The following LRPPRC variants were observed in gnomAD, a reference collection of about 807,000 sequenced individuals.
LRPPRC encodes leucine rich pentatricopeptide repeat containing.
Under a neutral mutation model 180.3 loss-of-function variants are expected in LRPPRC, and 120 were observed. That is an observed-to-expected ratio of 0.67 (90% CI 0.57 to 0.77). The LOEUF (loss-of-function observed/expected upper bound fraction) is 0.77. LRPPRC is among the 30% of genes least tolerant of loss of function. The pLI is 0.00. For missense variants in LRPPRC, 2,012 were observed against 1,657.2 expected (o/e 1.21, Z -3.72); for synonymous variants, 723 against 600.0 (o/e 1.21, Z -3.00).
intron 17 of LRPPRC, 98 bp downstream of exon 17, chr2:43,948,314 T>A: frequency 1.1e-6 from 1 of 916,390 alleles, no homozygotes; most frequent in Non-Finnish European, 1.8e-6. Flanking sequence ...TGCATGTCAT[T>A]GAGAAGTGGT....
intron 11 of LRPPRC, among the ~76,000 whole-genome samples, chr2:43,971,739 T>G (rs1158208116): frequency 6.6e-6 from 1 of 151,994 alleles, no homozygotes; most frequent in Admixed American, 6.6e-5. Flanking sequence ...TTCATTGCAC[T>G]AATAAGAATG....
At chr2:43,959,981 G>C (rs570448501) in intron 13 of LRPPRC, among the ~76,000 whole-genome samples, 1 of 152,054 alleles carries the variant, frequency 6.6e-6, no homozygotes, top group South Asian at 2.1e-4. Context: ...ACTAACCTTG[G>C]GCAAATCATT....
chr2:43,921,642 A>C (rs543955513), intron 27 of LRPPRC, among the ~76,000 whole-genome samples: 1 of 152,308 alleles, frequency 6.6e-6, no homozygotes, highest in East Asian at 1.9e-4. Context: ...TCACAAAGTT[A>C]CGTCTGAGAT....
At chr2:43,966,737 TA>T (rs1049296512) in intron 11 of LRPPRC, among the ~76,000 whole-genome samples, 34 of 140,624 alleles carry the variant, frequency 2.4e-4, no homozygotes, top group African/African-American at 8.2e-4. Context: ...GGTAACTAGC[TA>T]AAAAAAAATA....
intron 15 of LRPPRC, 120 bp downstream of exon 15, chr2:43,950,453 C>T (rs1471505313): frequency 3.5e-6 from 3 of 868,750 alleles, no homozygotes; most frequent in African/African-American, 3.4e-5. Context: ...ATTAACTCTG[C>T]CAGCAAAATT....
chr2:43,995,440 A>G (rs1251054586), intron 1 of LRPPRC, among the ~76,000 whole-genome samples: 1 of 152,196 alleles, frequency 6.6e-6, no homozygotes, highest in Non-Finnish European at 1.5e-5. Context: ...GTGGGACACC[A>G]CCCAAGCTGG....
At chr2:43,923,217 G>A (rs1288841151) in intron 27 of LRPPRC, among the ~76,000 whole-genome samples, 1 of 147,898 alleles carries the variant, frequency 6.8e-6, no homozygotes, top group Non-Finnish European at 1.5e-5. Flanking sequence ...AGTGGCTCAT[G>A]CCTGTAATCC....
At position 43,973,614 on chromosome 2, in the gene LRPPRC, AT is replaced by A. The variant is rs2103710225; in HGVS notation, c.1361del (p.Asn454MetfsTer5). ...PLLVGRRKEK[N>X]VQGIIEILKG... The stretch of plus-strand genomic sequence containing the variant: ...TAAAAGGCAAAATCTAACCTTGAAC[AT>A]TTTTTTCCTTCCGACGTCCAACTAG... On this transcript the variant is annotated frameshift_variant, in exon 11 of 38. Transcript: ENST00000260665. LOFTEE classifies it high-confidence loss of function. The A allele has an allele frequency of 3.1e-6, 5 of 1,611,218 alleles. No homozygotes were observed. The highest frequency in any genetic ancestry group is 4.2e-6 in the Non-Finnish European group (5 of 1,177,412).
At chr2:43,959,643 A>G (rs939899320) in intron 13 of LRPPRC, among the ~76,000 whole-genome samples, 1 of 152,140 alleles carries the variant, frequency 6.6e-6, no homozygotes, top group African/African-American at 2.4e-5. Flanking sequence ...AGTGGCTCAC[A>G]CCTGTAATCC....
chr2:43,976,294 A>G, intron 5 of LRPPRC, 65 bp from the exon 6 acceptor site: 1 of 878,148 alleles, frequency 1.1e-6, no homozygotes. Context: ...CAACATGTAC[A>G]GAATTAGGCC....
intron 12 of LRPPRC, 107 bp downstream of exon 12, chr2:43,963,481 A>C: frequency 1.3e-6 from 1 of 792,606 alleles, no homozygotes; most frequent in Non-Finnish European, 2.3e-6. Context: ...TACAGATTTG[A>C]CCATTTTGAG....
intron 30 of LRPPRC, among the ~76,000 whole-genome samples, chr2:43,908,477 T>C (rs1225246535): frequency 5.9e-5 from 9 of 152,118 alleles, no homozygotes; most frequent in Non-Finnish European, 1.0e-4. Flanking sequence ...CTGTAACACA[T>C]TAGATGACAA....
At chr2:43,959,893 T>C (rs1673269268) in intron 13 of LRPPRC, among the ~76,000 whole-genome samples, 4 of 151,850 alleles carry the variant, frequency 2.6e-5, no homozygotes, top group Admixed American at 2.6e-4. Context: ...CAAAAATAAA[T>C]AAAATAAAAT....
At chr2:43,904,139 G>A (rs981091909) in intron 31 of LRPPRC, among the ~76,000 whole-genome samples, 3 of 151,930 alleles carry the variant, frequency 2.0e-5, no homozygotes, top group Non-Finnish European at 2.9e-5. Flanking sequence ...ACAAGGTCTC[G>A]CTACACTGCC....
chr2:43,908,524 T>C (rs1572903397), intron 30 of LRPPRC, among the ~76,000 whole-genome samples: 2 of 152,134 alleles, frequency 1.3e-5, no homozygotes, highest in East Asian at 1.9e-4. Flanking sequence ...TTTTAATTCA[T>C]AGGAAAACTA....
intron 1 of LRPPRC, among the ~76,000 whole-genome samples, chr2:43,987,258 G>A (rs1228121279): frequency 1.3e-5 from 2 of 152,124 alleles, no homozygotes; most frequent in African/African-American, 4.8e-5. Context: ...ACTTAGGGGA[G>A]GCCGAGGCGG....
chr2:43,922,919 T>C (rs1473742189), intron 27 of LRPPRC, among the ~76,000 whole-genome samples: 1 of 152,124 alleles, frequency 6.6e-6, no homozygotes, highest in Non-Finnish European at 1.5e-5. Context: ...AGGTAGGAAG[T>C]ATACAAATGT....
intron 2 of LRPPRC, 62 bp from the exon 3 acceptor site, chr2:43,980,010 C>T (rs1674233497): frequency 4.6e-6 from 7 of 1,507,412 alleles, no homozygotes; most frequent in South Asian, 1.1e-5. Context: ...AGATAAATAT[C>T]AAAATTTAAA....
rs1029506227 is a variant in LRPPRC, at chr2:43,907,548, T to C, written c.3276-1768A>G. 6.6e-5 allele frequency among the ~76,000 whole-genome samples: 10 copies of C among 150,698 alleles called. No individual in the cohort carries two copies. In the East Asian group the frequency reaches 1.9e-3, roughly 29 times the overall value. On this transcript the variant is annotated intron_variant, in intron 30 of 37. Coordinates refer to ENST00000260665, the MANE Select transcript of LRPPRC (RefSeq NM_133259.4). ...TCCAATAACCCTATTGGCTGTCCAA[T>C]AGGGTTAGCCACTAGCCACATGGCT...
Sources: allele counts gnomAD v4.1 joint callset (sites outside exome capture counted in the v4.1 genomes callset), GRCh38; gene constraint gnomAD v4.1.1; transcripts MANE v1.5; gene names NCBI Gene and HGNC (gene_info 2026-07-23, HGNC 2026-07-21).